Variants in FHIT observed in about 807,000 individuals in gnomAD.
The protein encoded by FHIT is fragile histidine triad diadenosine triphosphatase.
In FHIT, 19 loss-of-function variants were observed where a neutral mutation model predicts 17.9. The ratio of observed to expected loss-of-function variants is 1.06; its 90% confidence interval spans 0.74 to 1.56. FHIT has a LOEUF of 1.56. Ranked by LOEUF, FHIT falls within the 40% of genes most tolerant of loss-of-function variation. The probability of loss-of-function intolerance (pLI) is 0.00; values close to 1 mark genes in which losing one functional copy is unlikely to be tolerated. For missense variants in FHIT, 248 were observed against 189.2 expected, an observed-to-expected ratio of 1.31 and a Z score of -1.82; for synonymous variants, 81 against 69.7, an observed-to-expected ratio of 1.16 and a Z score of -0.81.
At chr3:61,178,690 A>G (rs2038231470) in intron 2 of FHIT, among the ~76,000 whole-genome samples, 1 of 152,096 alleles carries the variant, frequency 6.6e-6, no homozygotes, top group Admixed American at 6.5e-5. Flanking sequence ...TAACCTGTAC[A>G]AGAATAAACC....
chr3:60,866,433 C>G (rs1305254855), intron 3 of FHIT, among the ~76,000 whole-genome samples: 3 of 152,128 alleles, frequency 2.0e-5, no homozygotes, highest in Non-Finnish European at 4.4e-5. Flanking sequence ...GTTACTCAAG[C>G]AGCCAGTGGA....
At chr3:60,775,939 C>T (rs1474438580) in intron 4 of FHIT, among the ~76,000 whole-genome samples, 1 of 152,200 alleles carries the variant, frequency 6.6e-6, no homozygotes, top group African/African-American at 2.4e-5. Context: ...GGAGGAACCA[C>T]TTGCAAAGAA....
chr3:61,192,932 CTCTT>C (rs2038757651), intron 2 of FHIT, among the ~76,000 whole-genome samples: 1 of 152,186 alleles, frequency 6.6e-6, no homozygotes, highest in Non-Finnish European at 1.5e-5. Context: ...TCAATTTGTA[CTCTT>C]TGTTATCCCT....
chr3:59,817,454 T>A (rs1700638753), intron 8 of FHIT, among the ~76,000 whole-genome samples: 1 of 149,968 alleles, frequency 6.7e-6, no homozygotes, highest in Non-Finnish European at 1.5e-5. Context: ...GGCTATGACA[T>A]CAGGGAGGCT....
chr3:60,970,447 G>A (rs1709958931), intron 3 of FHIT, among the ~76,000 whole-genome samples: 3 of 151,812 alleles, frequency 2.0e-5, no homozygotes, highest in Non-Finnish European at 4.4e-5. Context: ...AGTATTTAGT[G>A]TTTTGTATTA....
At chr3:59,937,240 G>A (rs533510251) in intron 7 of FHIT, among the ~76,000 whole-genome samples, 5 of 152,254 alleles carry the variant, frequency 3.3e-5, no homozygotes, top group African/African-American at 1.2e-4. Context: ...AAAACATGAT[G>A]ACATATTTCT....
chr3:59,799,219 G>C (rs1368713394), intron 8 of FHIT, among the ~76,000 whole-genome samples: 1 of 152,166 alleles, frequency 6.6e-6, no homozygotes, highest in African/African-American at 2.4e-5. Flanking sequence ...CAACCAATCA[G>C]CATTTTGGGT....
chr3:60,990,835 T>C (rs992348952), intron 3 of FHIT, among the ~76,000 whole-genome samples: 8 of 152,204 alleles, frequency 5.3e-5, no homozygotes, highest in African/African-American at 1.9e-4. Flanking sequence ...TTTCTTCCTT[T>C]ATAAAATATA....
chr3:60,794,293 T>C (rs1700896460), intron 4 of FHIT, among the ~76,000 whole-genome samples: 2 of 152,196 alleles, frequency 1.3e-5, no homozygotes, highest in South Asian at 2.1e-4. Flanking sequence ...CTAGATATTA[T>C]ATTAGATCTA....
At chr3:59,776,750 C>T (rs9813727) in intron 8 of FHIT, among the ~76,000 whole-genome samples, 41,673 of 152,116 alleles carry the variant, frequency 0.27, 6,266 homozygotes, top group East Asian at 0.55. Context: ...GTGTGCTCAG[C>T]GCTGATCCAA....
intron 5 of FHIT, among the ~76,000 whole-genome samples, chr3:60,476,090 A>C (rs2033330411): frequency 6.6e-6 from 1 of 152,228 alleles, no homozygotes; most frequent in East Asian, 1.9e-4. Flanking sequence ...GATAGTAGAA[A>C]AACTGATGGC....
intron 5 of FHIT, among the ~76,000 whole-genome samples, chr3:60,279,225 A>G (rs1466202892): frequency 6.6e-6 from 1 of 152,124 alleles, no homozygotes; most frequent in African/African-American, 2.4e-5. Context: ...GATCTCACGG[A>G]TATTAAAAAG....
At chr3:60,070,446 C>G (rs1459490037) in intron 5 of FHIT, among the ~76,000 whole-genome samples, 1 of 152,182 alleles carries the variant, frequency 6.6e-6, no homozygotes, top group Non-Finnish European at 1.5e-5. Context: ...CAAAATGAAC[C>G]AATCATGCAT....
At chr3:61,147,587 C>T (rs1300084750) in intron 2 of FHIT, among the ~76,000 whole-genome samples, 1 of 151,806 alleles carries the variant, frequency 6.6e-6, no homozygotes, top group Admixed American at 6.6e-5. Flanking sequence ...GTATTGAGAC[C>T]TTCATGGCTA....
intron 4 of FHIT, among the ~76,000 whole-genome samples, chr3:60,688,435 T>G (rs1449938944): frequency 2.7e-5 from 4 of 145,870 alleles, no homozygotes; most frequent in Non-Finnish European, 4.4e-5. Flanking sequence ...TGTTTTTTTT[T>G]TTGTTTTTTT....
At position 59,954,646 on chromosome 3, in the gene FHIT, C is replaced by T. The variant is rs1342449865; in HGVS notation, c.280-32232G>A. Reference sequence around the variant, plus strand: ...AGGAATGGCACATAGTAGGCACTTGCAATCAAAGCTTTGCTAAATGAATGC... The same window carrying T: ...AGGAATGGCACATAGTAGGCACTTGTAATCAAAGCTTTGCTAAATGAATGC... On this transcript the variant is annotated intron_variant, in intron 7 of 9. Transcript: ENST00000492590. Among the ~76,000 whole-genome samples, 9 of 152,144 alleles carry T rather than the reference C, an allele frequency of 5.9e-5. No homozygotes were observed. The South Asian group carries it at 1.9e-3, about 31-fold the overall frequency.
At chr3:60,706,354 T>C (rs1553703567) in intron 4 of FHIT, among the ~76,000 whole-genome samples, 2 of 152,132 alleles carry the variant, frequency 1.3e-5, no homozygotes, top group South Asian at 2.1e-4. Context: ...TGTATACCTA[T>C]GTAACAAACC....
intron 5 of FHIT, among the ~76,000 whole-genome samples, chr3:60,483,732 G>C (rs1279328802): frequency 1.3e-5 from 2 of 152,024 alleles, no homozygotes; most frequent in African/African-American, 2.4e-5. Flanking sequence ...ATATTGAATG[G>C]GTAAAACCTG....
intron 5 of FHIT, among the ~76,000 whole-genome samples, chr3:60,077,729 C>CACACACACATATATATATAT (rs1559611496): frequency 1.5e-5 from 1 of 67,188 alleles, no homozygotes; most frequent in Admixed American, 1.3e-4. Context: ...CACACACACA[C>CACACACACATATATATATAT]ATATATAGAG....
Sources: allele counts gnomAD v4.1 joint callset (sites outside exome capture counted in the v4.1 genomes callset), GRCh38; gene constraint gnomAD v4.1.1; transcripts MANE v1.5; gene names NCBI Gene and HGNC (gene_info 2026-07-23, HGNC 2026-07-21).